TMEM225B: variants seen among roughly 807,000 people sequenced by gnomAD.
TMEM225B encodes the protein transmembrane protein 225-like.
A neutral mutation model predicts 16.9 loss-of-function variants in TMEM225B; 10 were observed. The observed-to-expected ratio is 0.59, with a 90% CI of 0.36 to 1.00. The LOEUF is 1.00. TMEM225B is among the 50% of genes least tolerant of loss of function. The pLI is 0.01. For missense variants in TMEM225B, 217 were observed against 267.0 expected, an observed-to-expected ratio of 0.81 and a Z score of 1.30; for synonymous variants, 92 against 109.8, an observed-to-expected ratio of 0.84 and a Z score of 1.01.
At chr7:99,598,627 A>T (rs1805054569) in intron 1 of TMEM225B, among the ~76,000 whole-genome samples, 1 of 152,190 alleles carries the variant, frequency 6.6e-6, no homozygotes, top group African/African-American at 2.4e-5. Flanking sequence ...GAAAGGGCCG[A>T]GGACGGTTGT....
intron 3 of TMEM225B, 46 bp from the exon 4 acceptor site, chr7:99,606,702 C>T (rs760009439): frequency 2.3e-5 from 35 of 1,526,084 alleles, no homozygotes; most frequent in Non-Finnish European, 2.8e-5. Flanking sequence ...CTGACCTTTC[C>T]GGGTCAGGGT....
At chr7:99,602,995 A>G (rs1290087175) in intron 2 of TMEM225B, among the ~76,000 whole-genome samples, 1 of 152,176 alleles carries the variant, frequency 6.6e-6, no homozygotes, top group African/African-American at 2.4e-5. Context: ...CTGGGATTAT[A>G]GGCATGAGCC....
intron 5 of TMEM225B, 118 bp downstream of exon 5, chr7:99,607,928 C>T: frequency 1.8e-6 from 2 of 1,090,938 alleles, no homozygotes; most frequent in Non-Finnish European, 2.5e-6. Flanking sequence ...CCGCAGCTGC[C>T]AGTTAGACGT....
intron 5 of TMEM225B, among the ~76,000 whole-genome samples, chr7:99,608,911 C>A (rs1806094377): frequency 6.7e-6 from 1 of 150,210 alleles, no homozygotes; most frequent in African/African-American, 2.5e-5. Context: ...TCACACCTGT[C>A]ATCTCAGCAC....
intron 5 of TMEM225B, among the ~76,000 whole-genome samples, chr7:99,608,708 TAA>T (rs34289563): frequency 0.02 from 2,374 of 120,218 alleles, 76 homozygotes; most frequent in African/African-American, 0.1. Context: ...GCCAGCTAGT[TAA>T]AAAAAAATAT....
At position 99,610,411 on chromosome 7, in the gene TMEM225B, A is replaced by C. The variant is rs1331738520; in HGVS notation, c.512A>C (p.Gln171Pro). Residue 171 changes from glutamine (Q) to proline (P), a missense_variant, in exon 6 of 6, where the codon CAA (glutamine) becomes CCA (proline). Gln to Pro is a moderately conservative substitution (Grantham distance 76, BLOSUM62 -1). Transcript: ENST00000431679. ...FIVAGTICLI[Q>P]EMVCPCWHLL... is the part of the protein sequence containing the mutation. ...TCCCTAGGTACCATCTGCCTCATTC[A>C]AGAAATGGTTTGCCCTTGCTGGCAC... 14 of 1,535,666 alleles carry C rather than the reference A, an allele frequency of 9.1e-6. No individual in the cohort carries two copies. In the Admixed American group the frequency reaches 1.4e-4, roughly 15 times the overall value.
intron 2 of TMEM225B, among the ~76,000 whole-genome samples, chr7:99,600,685 C>T (rs1191855696): frequency 6.6e-6 from 1 of 152,092 alleles, no homozygotes; most frequent in African/African-American, 2.4e-5. Context: ...GGGGAAACTG[C>T]CCCCGTGATT....
chr7:99,607,542 G>A (rs929283128), intron 4 of TMEM225B, 131 bp from the exon 5 acceptor site: 1 of 814,668 alleles, frequency 1.2e-6, no homozygotes. Context: ...ACAGGCATCT[G>A]GGTAGGAGTT....
At position 99,610,784 on chromosome 7, in the gene TMEM225B, G is replaced by A. The variant is rs978367149; in HGVS notation, c.*219G>A. 6 of 418,790 alleles carry A rather than the reference G, an allele frequency of 1.4e-5. No individual in the cohort carries two copies. In the South Asian group the frequency reaches 1.8e-4, roughly 13 times the overall value. The allele number at this position is 418,790 out of a possible 1,614,324, so 25.9% of individuals were successfully genotyped here. The stretch of plus-strand genomic sequence containing the variant: ...AACTCTTCTGAGCTTCCTAAGTGAC[G>A]TTTTTGCAGGTATTTTCAATAAAAA... On this transcript the variant is annotated 3_prime_UTR_variant, in exon 6 of 6. Transcript: ENST00000431679.
At chr7:99,607,636 G>A (rs1805931687) in intron 4 of TMEM225B, 37 bp from the exon 5 acceptor site, 6 of 1,520,712 alleles carry the variant, frequency 3.9e-6, no homozygotes, top group African/African-American at 1.4e-5. Flanking sequence ...CGGGTAGCAT[G>A]GGAGGAGACC....
At chr7:99,600,724 A>G (rs1340884745) in intron 2 of TMEM225B, among the ~76,000 whole-genome samples, 1 of 152,136 alleles carries the variant, frequency 6.6e-6, no homozygotes, top group African/African-American at 2.4e-5. Context: ...CCTGCTCTTG[A>G]CACATGGGGA....
rs765345441 is a variant in TMEM225B, at chr7:99,606,739, C to T, written c.209-9C>T. On this transcript the variant is annotated splice_polypyrimidine_tract_variant and intron_variant, in intron 3 of 5. Coordinates refer to ENST00000431679, the MANE Select transcript of TMEM225B (RefSeq NM_001195541.3). ...CCCAGCTTCAGCCCCACTTCTCCCTCCCCTGCAGTTTACATCATCCTCGGC... is the reference window on the plus strand; with the variant it reads ...CCCAGCTTCAGCCCCACTTCTCCCTTCCCTGCAGTTTACATCATCCTCGGC... 6 of 1,535,918 alleles carry T rather than the reference C, an allele frequency of 3.9e-6. No homozygotes were observed. Among genetic ancestry groups the T allele is most frequent in the Non-Finnish European group, 5.2e-6 (6 of 1,146,788 alleles).
chr7:99,606,304 T>C (rs116573321), intron 3 of TMEM225B, among the ~76,000 whole-genome samples: 1,789 of 151,968 alleles, frequency 0.012, 47 homozygotes, highest in African/African-American at 0.041. Context: ...CTACAAAACA[T>C]AAAAATAAAA....
At chr7:99,610,310 C>T (rs1225453029) in intron 5 of TMEM225B, 83 bp from the exon 6 acceptor site, 2 of 1,020,404 alleles carry the variant, frequency 2.0e-6, no homozygotes, top group East Asian at 2.6e-5. Flanking sequence ...GGGAGGGCAG[C>T]TCTGGAGCTA....
rs143657846 is a variant in TMEM225B, at chr7:99,606,779, C to T, written c.240C>T (p.Leu80=). 29 of 1,535,972 alleles carry T rather than the reference C, an allele frequency of 1.9e-5. No individual in the cohort carries two copies. The highest frequency in any genetic ancestry group is 2.6e-6 in the Non-Finnish European group (3 of 1,146,890). Residue 80 remains leucine, a synonymous_variant, in exon 4 of 6, where the codon CTC becomes CTT. Coordinates refer to ENST00000431679, the MANE Select transcript of TMEM225B (RefSeq NM_001195541.3). ...IYIILGRVFL[L]SAVFLAFVTT... is the part of the protein sequence containing the mutation. ...TCATCCTCGGCCGGGTTTTCCTGCTCTCTGCAGTTTTCTTGGCTTTCGTCA... is the reference window on the plus strand; with the variant it reads ...TCATCCTCGGCCGGGTTTTCCTGCTTTCTGCAGTTTTCTTGGCTTTCGTCA...
intron 5 of TMEM225B, among the ~76,000 whole-genome samples, chr7:99,608,839 GTA>G (rs72285430): frequency 0.019 from 2,456 of 131,818 alleles, 79 homozygotes; most frequent in African/African-American, 0.054. Context: ...GTGTGTGCAC[GTA>G]TATATATATA....
chr7:99,599,177 G>T (rs1275389615), intron 1 of TMEM225B, among the ~76,000 whole-genome samples: 1 of 138,946 alleles, frequency 7.2e-6, no homozygotes, highest in Non-Finnish European at 1.5e-5. Context: ...GGGTTTCACC[G>T]TGTTAGCTAG....
chr7:99,604,704 T>G, intron 3 of TMEM225B, 108 bp downstream of exon 3: 1 of 877,086 alleles, frequency 1.1e-6, no homozygotes, highest in Non-Finnish European at 1.8e-6. Flanking sequence ...AAAATCTAAT[T>G]AGCTCAGGGC....
intron 3 of TMEM225B, 85 bp downstream of exon 3, chr7:99,604,681 G>A: frequency 9.2e-7 from 1 of 1,090,740 alleles, no homozygotes; most frequent in Non-Finnish European, 1.3e-6. Flanking sequence ...AACAGGGTGG[G>A]AGCAGAGAGG....
Sources: allele counts gnomAD v4.1 joint callset (sites outside exome capture counted in the v4.1 genomes callset), GRCh38; gene constraint gnomAD v4.1.1; transcripts MANE v1.5; gene names NCBI Gene and HGNC (gene_info 2026-07-23, HGNC 2026-07-21).